The following NPM1 variants were observed in gnomAD, a reference collection of about 807,000 sequenced individuals.
The protein encoded by NPM1 is nucleophosmin 1, also known as nucleophosmin.
In NPM1, 1 loss-of-function variant was observed where a neutral mutation model predicts 44.1. The observed-to-expected ratio is 0.02, with a 90% CI of 0.01 to 0.11. NPM1 has a LOEUF of 0.11. Among genes scored for constraint, NPM1 ranks in the 10% least tolerant of loss-of-function variants. NPM1 has a pLI of 1.00. For synonymous variants in NPM1, 126 were observed against 111.8 expected (o/e 1.13, Z -0.80); for missense variants, 197 against 347.8 (o/e 0.57, Z 3.45).
chr5:171,406,347 G>A, intron 9 of NPM1: 1 of 1,507,648 alleles, frequency 6.6e-7, no homozygotes, highest in Non-Finnish European at 9.2e-7. Flanking sequence ...TCTTTTAGAT[G>A]CCCCTCCCCT....
At chr5:171,395,145 G>A (rs1034987050) in intron 6 of NPM1, among the ~76,000 whole-genome samples, 5 of 152,236 alleles carry the variant, frequency 3.3e-5, no homozygotes, top group East Asian at 1.9e-4. Context: ...GCGCCACCGT[G>A]TTCCATCCTG....
intron 9 of NPM1, 49 bp from the exon 10 acceptor site, chr5:171,407,651 T>C (rs1354237801): frequency 1.9e-6 from 2 of 1,030,148 alleles, no homozygotes; most frequent in South Asian, 2.5e-5. Flanking sequence ...AAGGTATCTC[T>C]CTCGGTGTAT....
chr5:171,404,790 G>A (rs1296740990), intron 8 of NPM1, among the ~76,000 whole-genome samples: 2 of 150,984 alleles, frequency 1.3e-5, no homozygotes, highest in African/African-American at 4.9e-5. Flanking sequence ...CAGGCGGCTG[G>A]GAGGTGTAGG....
At chr5:171,391,665 T>G (rs1481669831) in intron 3 of NPM1, 41 bp from the exon 4 acceptor site, 1 of 1,365,996 alleles carries the variant, frequency 7.3e-7, no homozygotes, top group East Asian at 2.3e-5. Context: ...TATTGTTCAT[T>G]TTCTTCACAT....
Position 171,388,021 on chromosome 5 carries a change from G to C in NPM1, c.58+15G>C. 6.2e-7 allele frequency: 1 copy of C among 1,602,536 alleles called. No individual in the cohort carries two copies. Among genetic ancestry groups the C allele is most frequent in the Non-Finnish European group, 8.5e-7 (1 of 1,171,150 alleles). ...CTATCTTTTCGGTAACTGCTGGGGG[G>C]AGCTGGAGCGAGGCCGAGCGGGGCC... On this transcript the variant is annotated intron_variant, in intron 1 of 10. Transcript: ENST00000296930.
chr5:171,404,093 C>T (rs1347668034), intron 8 of NPM1, among the ~76,000 whole-genome samples: 1 of 73,786 alleles, frequency 1.4e-5, no homozygotes, highest in Admixed American at 1.1e-4. Flanking sequence ...GGCTGACCCC[C>T]CCACCTCCCT....
In NPM1 at chr5:171,387,882, T is replaced by A. The variant is rs749918542; in HGVS notation, c.-67T>A. The A allele has an allele frequency of 1.4e-6, 2 of 1,475,158 alleles. No homozygotes were observed. The highest frequency in any genetic ancestry group is 2.8e-5 in the African/African-American group (2 of 72,032). 91.4% of individuals were successfully genotyped at this position (1,475,158 alleles called of 1,614,324 possible). On this transcript the variant is annotated 5_prime_UTR_variant, in exon 1 of 11. Transcript: ENST00000296930. The stretch of plus-strand genomic sequence containing the variant: ...GGTGTGATTCCGTCCTGCGCGGTTG[T>A]TCTCTGGAGCAGCGTTCTTTTATCT...
rs116674271 is a variant in NPM1, at chr5:171,407,654, C to A, written c.772-46C>A. ...AGGAATTTTCTAAAGGTATCTCTCTCGGTGTATTTCTCTACTTACCTGTAA... is the reference window on the plus strand; with the variant it reads ...AGGAATTTTCTAAAGGTATCTCTCTAGGTGTATTTCTCTACTTACCTGTAA... On this transcript the variant is annotated intron_variant, in intron 9 of 10. Transcript: ENST00000296930. 15,601 of 1,039,060 alleles carry A rather than the reference C, an allele frequency of 0.015. 209 individuals are homozygous for A. The highest frequency in any genetic ancestry group is 0.03 in the Middle Eastern group (148 of 4,896). 64.4% of individuals were successfully genotyped at this position (1,039,060 alleles called of 1,614,324 possible).
At chr5:171,400,970 G>A (rs1312297794) in intron 8 of NPM1, 45 bp downstream of exon 8, 4 of 1,298,096 alleles carry the variant, frequency 3.1e-6, no homozygotes, top group Non-Finnish European at 4.5e-6. Flanking sequence ...TCTAGTTGGG[G>A]AAAAAGATTC....
chr5:171,406,417 C>T (rs200374433), intron 9 of NPM1: 4 of 1,612,858 alleles, frequency 2.5e-6, no homozygotes, highest in African/African-American at 1.3e-5. Context: ...CAGTCCTGGG[C>T]ACTACATGTA....
chr5:171,410,553 G>A lies in NPM1; in HGVS notation c.873G>A (p.Arg291=), dbSNP rs565271245. The A allele has an allele frequency of 5.5e-5, 86 of 1,566,024 alleles. No individual in the cohort carries two copies. The South Asian group carries it at 9.4e-4, about 17-fold the overall frequency. The change falls in exon 11 of 11, where the codon AGG becomes AGA. Residue 291 remains arginine (R), a synonymous_variant. Transcript: ENST00000296930. ...QEAIQDLWQW[R]KSL ...CTATTCAAGATCTCTGGCAGTGGAG[G>A]AAGTCTCTTTAAGAAAATAGTTTAA...
At chr5:171,387,845 C>A (rs148722569), upstream of NPM1, 2 of 1,073,206 alleles carry the variant, frequency 1.9e-6, no homozygotes, top group Admixed American at 1.9e-5. Flanking sequence ...GGGGAGCCTG[C>A]GTCCTTTCCC....
intron 6 of NPM1, 66 bp from the exon 7 acceptor site, chr5:171,400,087 G>T: frequency 1.1e-6 from 1 of 916,016 alleles, no homozygotes; most frequent in Non-Finnish European, 1.8e-6. Flanking sequence ...TCAAGGTCCT[G>T]CTTTCAATTC....
chr5:171,395,637 CAA>C (rs1269397451), intron 6 of NPM1, among the ~76,000 whole-genome samples: 3 of 152,126 alleles, frequency 2.0e-5, no homozygotes, highest in Non-Finnish European at 4.4e-5. Flanking sequence ...TTGAGGGAAA[CAA>C]ATATTAATAG....
chr5:171,393,333 A>G (rs1770692810), intron 6 of NPM1, among the ~76,000 whole-genome samples: 1 of 152,240 alleles, frequency 6.6e-6, no homozygotes, highest in Non-Finnish European at 1.5e-5. Context: ...GATTGGGTTG[A>G]AAGAAAATAT....
chr5:171,406,826 C>A (rs1431769716), intron 9 of NPM1: 14 of 483,656 alleles, frequency 2.9e-5, no homozygotes, highest in Admixed American at 5.8e-5. Context: ...ATACCTGATT[C>A]TGCCAAAGTC....
chr5:171,400,329 A>G, intron 7 of NPM1, 119 bp downstream of exon 7: 101 of 529,324 alleles, frequency 1.9e-4, no homozygotes, highest in East Asian at 3.4e-4. Context: ...TCATACTGAA[A>G]ATTAGTCCTG....
In NPM1 at chr5:171,392,801, T is replaced by C; in HGVS notation, c.444T>C (p.Gly148=). Residue 148 remains glycine, a synonymous_variant, in exon 5 of 11, where the codon GGT becomes GGC. Transcript: ENST00000296930. ...GAAAGCGGTCTGCCCCTGGAGGTGG[T>C]AGCAAGGTTCCACAGGTAGAGATGG... ...ISGKRSAPGG[G]SKVPQKKVKL... 1 of 1,613,672 alleles carries C rather than the reference T, an allele frequency of 6.2e-7. No homozygotes were observed. Among genetic ancestry groups the C allele is most frequent in the Non-Finnish European group, 8.5e-7 (1 of 1,179,584 alleles).
rs183613332 is a variant in NPM1, at chr5:171,410,693, C to A, written c.*128C>A. On this transcript the variant is annotated 3_prime_UTR_variant, in exon 11 of 11. Coordinates refer to ENST00000296930, the MANE Select transcript of NPM1 (RefSeq NM_002520.7). ...CCTACCGTGTTTGATAAATGTTGTC[C>A]AGGTTCTATTGCCAAGAATGTGTTG... 9 of 571,998 alleles carry A rather than the reference C, an allele frequency of 1.6e-5. No individual in the cohort carries two copies. In the Admixed American group the frequency reaches 2.0e-4, roughly 13 times the overall value. 35.4% of individuals were successfully genotyped at this position (571,998 alleles called of 1,614,324 possible).
Sources: gnomAD v4.1 joint callset for allele counts (sites outside exome capture counted in the v4.1 genomes callset) on GRCh38, gnomAD v4.1.1 for gene constraint, MANE v1.5 for transcripts, NCBI Gene and HGNC (gene_info 2026-07-23, HGNC 2026-07-21) for gene names.